B3GALT5: variants seen among roughly 807,000 people sequenced by gnomAD.
The protein encoded by B3GALT5 is UDP-Gal:betaGlcNAc beta 1,3-galactosyltransferase, polypeptide 5.
For missense variants in B3GALT5, 328 were observed against 396.6 expected (o/e 0.83, Z 1.47); for synonymous variants, 156 against 158.6 (o/e 0.98, Z 0.12).
chr21:39,662,174 A>G lies in B3GALT5; in HGVS notation c.*682A>G, dbSNP rs550379943. 6.0e-6 allele frequency: 1 copy of G among 167,236 alleles called. No homozygotes were observed. Among genetic ancestry groups the G allele is most frequent in the Non-Finnish European group, 1.5e-5 (1 of 68,142 alleles). 10.4% of individuals were successfully genotyped at this position (167,236 alleles called of 1,614,324 possible). A position where few individuals can be genotyped will look rare whatever the true frequency, so the allele number is the denominator to read the frequency against. The stretch of plus-strand genomic sequence containing the variant: ...TGTCCCCGCAGTGGATGCAGCTCAC[A>G]TGCTGAGGAACACCCAGCTCTGGAC... On this transcript the variant is annotated 3_prime_UTR_variant, in exon 4 of 4. Coordinates refer to ENST00000684187, the MANE Select transcript of B3GALT5 (RefSeq NM_001356336.2).
chr21:39,632,635 A>G (rs2079199609), intron 1 of B3GALT5, among the ~76,000 whole-genome samples: 2 of 152,230 alleles, frequency 1.3e-5, no homozygotes, highest in East Asian at 3.8e-4. Flanking sequence ...CTCATTATTA[A>G]TATGCATTGG....
intron 2 of B3GALT5, among the ~76,000 whole-genome samples, chr21:39,655,350 T>C (rs772286644): frequency 2.6e-5 from 4 of 152,232 alleles, no homozygotes; most frequent in African/African-American, 7.2e-5. Context: ...GCACATAACA[T>C]TCACCATCGT....
intron 2 of B3GALT5, among the ~76,000 whole-genome samples, chr21:39,650,438 ACAG>A (rs1010095176): frequency 2.6e-5 from 4 of 152,202 alleles, no homozygotes; most frequent in African/African-American, 7.2e-5. Flanking sequence ...TCCTGTGGCC[ACAG>A]CAGCAGCAGC....
chr21:39,634,206 G>GA (rs1429421996), intron 1 of B3GALT5, among the ~76,000 whole-genome samples: 1 of 152,126 alleles, frequency 6.6e-6, no homozygotes, highest in Non-Finnish European at 1.5e-5. Flanking sequence ...TGCAGAATTT[G>GA]AAAAAATTAC....
At position 39,639,002 on chromosome 21, in the gene B3GALT5, T is replaced by G. The variant is rs568709834; in HGVS notation, c.-391-7390T>G. Among the ~76,000 whole-genome samples, 19 of 152,312 alleles carry G rather than the reference T, an allele frequency of 1.2e-4. No homozygotes were observed. In the East Asian group the frequency reaches 3.5e-3, roughly 28 times the overall value. ...GTTTCCCGTGTACAGCTCTTCAATC[T>G]TAACAGTAGATGACAAAACTGCTAA... On this transcript the variant is annotated intron_variant, in intron 1 of 3. Coordinates refer to ENST00000684187, the MANE Select transcript of B3GALT5 (RefSeq NM_001356336.2).
intron 2 of B3GALT5, among the ~76,000 whole-genome samples, chr21:39,648,772 C>G (rs1397119574): frequency 6.7e-6 from 1 of 149,366 alleles, no homozygotes; most frequent in African/African-American, 2.5e-5. Context: ...GAGAGGAGGA[C>G]ATTGGGAGCT....
At chr21:39,655,310 G>A (rs2079432078) in intron 2 of B3GALT5, among the ~76,000 whole-genome samples, 1 of 152,216 alleles carries the variant, frequency 6.6e-6, no homozygotes, top group Non-Finnish European at 1.5e-5. Context: ...GTTCTGTTCA[G>A]GCTGTCAACT....
At chr21:39,617,252 C>T (rs1005408148) in intron 1 of B3GALT5, among the ~76,000 whole-genome samples, 1 of 152,198 alleles carries the variant, frequency 6.6e-6, no homozygotes, top group Non-Finnish European at 1.5e-5. Flanking sequence ...TACTGAAGCT[C>T]TTTTTGATTC....
In B3GALT5 at chr21:39,669,232, G is replaced by A. The variant is rs1355802306; in HGVS notation, c.*7740G>A. ...TGAAAATCTGAATGAGGTAAAAGAA[G>A]TTGGAGCTGGAAGATGCCTTAGAAA... On this transcript the variant is annotated 3_prime_UTR_variant, in exon 4 of 4. Coordinates refer to ENST00000684187, the MANE Select transcript of B3GALT5 (RefSeq NM_001356336.2). 6.6e-6 allele frequency: 1 copy of A among 152,102 alleles called. No homozygotes were observed. The highest frequency in any genetic ancestry group is 2.4e-5 in the African/African-American group (1 of 41,410). 9.4% of individuals were successfully genotyped at this position (152,102 alleles called of 1,614,324 possible). A position where few individuals can be genotyped will look rare whatever the true frequency, so the allele number is the denominator to read the frequency against.
At chr21:39,622,411 G>GTT (rs2079138767) in intron 1 of B3GALT5, among the ~76,000 whole-genome samples, 1 of 151,956 alleles carries the variant, frequency 6.6e-6, no homozygotes, top group Non-Finnish European at 1.5e-5. Context: ...ATGTTTTGAT[G>GTT]CTGTGTTGTT....
rs1569212435 is a variant in B3GALT5 at position 39,639,410 on chromosome 21, TTCTTTCTTTC to T, written c.-391-6980_-391-6971del. Among the ~76,000 whole-genome samples, 139 of 94,596 alleles carry T rather than the reference TTCTTTCTTTC, an allele frequency of 1.5e-3. 1 individual carries two copies. Among genetic ancestry groups the T allele is most frequent in the Middle Eastern group, 4.7e-3 (1 of 212 alleles). 62.1% of individuals were successfully genotyped at this position (94,596 alleles called of 152,430 possible). A position where few individuals can be genotyped will look rare whatever the true frequency, so the allele number is the denominator to read the frequency against. On this transcript the variant is annotated intron_variant, in intron 1 of 3. Transcript: ENST00000684187. Reference sequence around the variant, plus strand: ...TCCTTCCTTCTTTCTTTTTCTTTCTTTCTTTCTTTCTTTCTTTCTTTCTTTCTTTCTTTCT... The same window carrying T: ...TCCTTCCTTCTTTCTTTTTCTTTCTTTTTCTTTCTTTCTTTCTTTCTTTCT...
intron 1 of B3GALT5, among the ~76,000 whole-genome samples, chr21:39,623,895 A>G (rs2079150503): frequency 6.6e-6 from 1 of 152,082 alleles, no homozygotes; most frequent in East Asian, 1.9e-4. Context: ...CTTTTCCTCC[A>G]TTCCTTTCTT....
chr21:39,649,352 G>A (rs1048510309), intron 2 of B3GALT5, among the ~76,000 whole-genome samples: 1 of 152,090 alleles, frequency 6.6e-6, no homozygotes, highest in Non-Finnish European at 1.5e-5. Flanking sequence ...TCTGCACACC[G>A]TGCTGTTTCT....
intron 1 of B3GALT5, among the ~76,000 whole-genome samples, chr21:39,644,420 AC>A (rs2079317720): frequency 6.6e-6 from 1 of 151,982 alleles, no homozygotes; most frequent in African/African-American, 2.4e-5. Flanking sequence ...TTATTTAGGA[AC>A]CCAAATGGGA....
At position 39,670,999 on chromosome 21, in the gene B3GALT5, T is replaced by C. The variant is rs1051928269; in HGVS notation, c.*9507T>C. 2.6e-5 allele frequency: 4 copies of C among 152,246 alleles called. No homozygotes were observed. Among genetic ancestry groups the C allele is most frequent in the Admixed American group, 2.0e-4 (3 of 15,286 alleles). 9.4% of individuals were successfully genotyped at this position (152,246 alleles called of 1,614,324 possible). A position where few individuals can be genotyped will look rare whatever the true frequency, so the allele number is the denominator to read the frequency against. ...TAATCTGGCTCATGGTTCTAGAGGCTAGGAAGTCCAAGAGCTTGGCACTGG... is the reference window on the plus strand; with the variant it reads ...TAATCTGGCTCATGGTTCTAGAGGCCAGGAAGTCCAAGAGCTTGGCACTGG... On this transcript the variant is annotated 3_prime_UTR_variant, in exon 4 of 4. Transcript: ENST00000684187.
chr21:39,615,507 A>G (rs1014711892), intron 1 of B3GALT5, among the ~76,000 whole-genome samples: 11 of 152,242 alleles, frequency 7.2e-5, no homozygotes, highest in African/African-American at 2.4e-4. Context: ...AAGACATCGG[A>G]GCCAGAAGTC....
chr21:39,654,336 G>A (rs1223077311), intron 2 of B3GALT5, among the ~76,000 whole-genome samples: 5 of 152,136 alleles, frequency 3.3e-5, no homozygotes, highest in Admixed American at 3.3e-4. Context: ...CCTGCCTTGG[G>A]CTCCCAAAGT....
chr21:39,660,534 T>G, intron 3 of B3GALT5, 26 bp from the exon 4 acceptor site: 1 of 1,409,986 alleles, frequency 7.1e-7, no homozygotes, highest in Non-Finnish European at 9.3e-7. Context: ...TTTTGAGGTC[T>G]AATCATTGGA....
Position 39,661,605 on chromosome 21 carries a change from C to T in B3GALT5, c.*113C>T. 1 of 1,040,872 alleles carries T rather than the reference C, an allele frequency of 9.6e-7. No individual in the cohort carries two copies. Among genetic ancestry groups the T allele is most frequent in the Non-Finnish European group, 1.3e-6 (1 of 760,856 alleles). The allele number at this position is 1,040,872 out of a possible 1,614,324, so 64.5% of individuals were successfully genotyped here. On this transcript the variant is annotated 3_prime_UTR_variant, in exon 4 of 4. Transcript: ENST00000684187. The surrounding 1 kb of genome is among the most constrained non-coding windows in gnomAD (Gnocchi z 4.7). Reference sequence around the variant, plus strand: ...GATGCTGTTCTTCAGTGCTGAAATCCACGCCAGAATGTCGGTGTTCATGAA... The same window carrying T: ...GATGCTGTTCTTCAGTGCTGAAATCTACGCCAGAATGTCGGTGTTCATGAA...
Sources: allele counts gnomAD v4.1 joint callset (sites outside exome capture counted in the v4.1 genomes callset), GRCh38; gene constraint gnomAD v4.1.1; non-coding constraint Gnocchi (gnomAD v3.1); transcripts MANE v1.5; gene names NCBI Gene and HGNC (gene_info 2026-07-23, HGNC 2026-07-21).